The following FER1L6 variants were observed in gnomAD, a reference collection of about 807,000 sequenced individuals.
The protein encoded by FER1L6 is fer-1 like family member 6.
FER1L6 carries 177 observed loss-of-function variants against 219.2 expected under a neutral mutation model. That is an observed-to-expected ratio of 0.81 (90% CI 0.71 to 0.91). The LOEUF (loss-of-function observed/expected upper bound fraction) is 0.91. Among genes scored for constraint, FER1L6 ranks in the 40% least tolerant of loss-of-function variants. FER1L6 has a pLI of 0.00. For synonymous variants in FER1L6, 768 were observed against 824.3 expected (o/e 0.93, Z 1.17); for missense variants, 2,153 against 2,259.9 (o/e 0.95, Z 0.96).
At chr8:123,968,291 G>A (rs779799021) in intron 5 of FER1L6, among the ~76,000 whole-genome samples, 8 of 152,116 alleles carry the variant, frequency 5.3e-5, no homozygotes, top group Non-Finnish European at 8.8e-5. Context: ...GTTAAACTGG[G>A]CCCAAGTGTA....
At chr8:123,973,201 A>G (rs1429508862) in intron 6 of FER1L6, among the ~76,000 whole-genome samples, 2 of 152,176 alleles carry the variant, frequency 1.3e-5, no homozygotes, top group Non-Finnish European at 2.9e-5. Flanking sequence ...TATTTTGGTT[A>G]AAGGAAGCTT....
In FER1L6 at chr8:123,892,852, T is replaced by C. The variant is rs545962346; in HGVS notation, c.-8+40667T>C. On this transcript the variant is annotated intron_variant, in intron 1 of 40. Transcript: ENST00000522917. ...ACTTTTGTTTGGATATTAGTTTTTC[T>C]GAAGTACAAGAGAGACATATTAAGC... Among the ~76,000 whole-genome samples, 20 of 152,334 alleles carry C rather than the reference T, an allele frequency of 1.3e-4. No individual in the cohort carries two copies. The South Asian group carries it at 4.1e-3, about 32-fold the overall frequency.
chr8:124,076,754 G>T (rs1821312761), intron 32 of FER1L6, among the ~76,000 whole-genome samples: 1 of 152,136 alleles, frequency 6.6e-6, no homozygotes, highest in South Asian at 2.1e-4. Context: ...GGTCTAGGGA[G>T]GTTAAGAAAC....
At chr8:123,917,421 C>T (rs1813222454) in intron 1 of FER1L6, among the ~76,000 whole-genome samples, 1 of 152,222 alleles carries the variant, frequency 6.6e-6, no homozygotes, top group Non-Finnish European at 1.5e-5. Flanking sequence ...GCTGTGCACT[C>T]TAACATTCAG....
chr8:124,060,669 A>G lies in FER1L6; in HGVS notation c.3107A>G (p.Asn1036Ser). 6.2e-7 allele frequency: 1 copy of G among 1,614,052 alleles called. No homozygotes were observed. Among genetic ancestry groups the G allele is most frequent in the Non-Finnish European group, 8.5e-7 (1 of 1,179,954 alleles). The change falls in exon 24 of 41, where the codon AAC (asparagine) becomes AGC (serine). Residue 1036 changes from asparagine (N) to serine (S), a missense_variant. Coordinates refer to ENST00000522917, the MANE Select transcript of FER1L6 (RefSeq NM_001039112.2). ...TCCTGCGTGATCCAGAGCTACAAGA[A>G]CAACCCGAACTTCAGCATCCAGGCA... ...VKSCVIQSYK[N>S]NPNFSIQADA...
intron 1 of FER1L6, among the ~76,000 whole-genome samples, chr8:123,856,308 ATG>A (rs200449762): frequency 1.6e-5 from 1 of 64,222 alleles, no homozygotes; most frequent in Non-Finnish European, 3.2e-5. Flanking sequence ...ATATATATAT[ATG>A]TATGTGTATA....
In FER1L6 at chr8:124,021,595, A is replaced by G. The variant is rs369973685; in HGVS notation, c.2059A>G (p.Lys687Glu). ...CAAGGGGATCATTCAGCAGCAGAAG[A>G]AAAAGTTATCTGTTGATGAAATGAT... ...EAKGIIQQQK[K>E]KLSVDEMIHE... The change falls in exon 17 of 41, where the codon AAA (lysine) becomes GAA (glutamate). Residue 687 changes from lysine to glutamate, a missense_variant. Coordinates refer to ENST00000522917, the MANE Select transcript of FER1L6 (RefSeq NM_001039112.2). 5.0e-6 allele frequency: 8 copies of G among 1,614,054 alleles called. No individual in the cohort carries two copies. The highest frequency in any genetic ancestry group is 2.2e-5 in the East Asian group (1 of 44,896).
intron 22 of FER1L6, among the ~76,000 whole-genome samples, chr8:124,059,482 G>C (rs1374745327): frequency 2.6e-5 from 4 of 152,054 alleles, no homozygotes; most frequent in Non-Finnish European, 5.9e-5. Flanking sequence ...TGTATGTGTC[G>C]AACCAGGTTT....
chr8:123,911,155 G>T (rs988826438), intron 1 of FER1L6, among the ~76,000 whole-genome samples: 8 of 152,068 alleles, frequency 5.3e-5, no homozygotes, highest in Non-Finnish European at 7.4e-5. Flanking sequence ...AAGTTCTAGA[G>T]TTGGAAATGA....
rs1157790828 is a variant in FER1L6 at position 123,862,958 on chromosome 8, G to GT, written c.-8+10779dup. Among the ~76,000 whole-genome samples the GT allele has an allele frequency of 1.4e-3, 198 of 145,890 alleles. 1 individual carries two copies. The Middle Eastern group carries it at 0.02, about 15-fold the overall frequency. ...CCTGGATTCATTGATTTTTTGAAGG[G>GT]TTTTTTGTGCCTCTATTTCCTTCAG... On this transcript the variant is annotated intron_variant, in intron 1 of 40. Coordinates refer to ENST00000522917, the MANE Select transcript of FER1L6 (RefSeq NM_001039112.2).
At chr8:123,971,990 C>A (rs1361821500) in intron 6 of FER1L6, among the ~76,000 whole-genome samples, 2 of 152,232 alleles carry the variant, frequency 1.3e-5, no homozygotes, top group Admixed American at 6.5e-5. Context: ...GGGGCTCTTG[C>A]ATTTCATCTT....
intron 20 of FER1L6, among the ~76,000 whole-genome samples, chr8:124,043,372 C>T (rs898222426): frequency 1.3e-5 from 2 of 152,180 alleles, no homozygotes; most frequent in Non-Finnish European, 2.9e-5. Flanking sequence ...TTATTTGATT[C>T]TAAAGCTATA....
chr8:123,913,823 T>A (rs980545320), intron 1 of FER1L6, among the ~76,000 whole-genome samples: 1 of 151,982 alleles, frequency 6.6e-6, no homozygotes, highest in Non-Finnish European at 1.5e-5. Flanking sequence ...CTAACTGTAA[T>A]CTTCGTAATT....
At chr8:124,055,404 C>CAATGAACA (rs1234363647) in intron 22 of FER1L6, among the ~76,000 whole-genome samples, 47 of 152,154 alleles carry the variant, frequency 3.1e-4, no homozygotes, top group African/African-American at 1.1e-3. Context: ...TTTACTCATT[C>CAATGAACA]AATGAACAAA....
chr8:123,983,210 A>G (rs377490902), intron 11 of FER1L6, among the ~76,000 whole-genome samples: 42 of 151,786 alleles, frequency 2.8e-4, no homozygotes, highest in African/African-American at 1.0e-3. Context: ...TCAAGCTCCA[A>G]TCTCCCCTCT....
At chr8:124,109,308 T>G (rs140620205) in intron 39 of FER1L6, among the ~76,000 whole-genome samples, 1 of 152,272 alleles carries the variant, frequency 6.6e-6, no homozygotes, top group East Asian at 1.9e-4. Context: ...CACCCTAATC[T>G]TATTATTCAA....
intron 10 of FER1L6, among the ~76,000 whole-genome samples, chr8:123,978,897 G>A (rs543882625): frequency 3.7e-4 from 57 of 152,108 alleles, no homozygotes; most frequent in African/African-American, 1.3e-3. Flanking sequence ...AAGCACCCTC[G>A]GCCCATCTAT....
chr8:123,908,607 T>G (rs1424050654), intron 1 of FER1L6, among the ~76,000 whole-genome samples: 6 of 152,194 alleles, frequency 3.9e-5, no homozygotes. Flanking sequence ...TTCAACAGGT[T>G]TTTTTTGGTG....
chr8:123,993,150 A>G (rs1196082102), intron 12 of FER1L6, among the ~76,000 whole-genome samples: 1 of 152,212 alleles, frequency 6.6e-6, no homozygotes, highest in African/African-American at 2.4e-5. Flanking sequence ...TGATAAGAAG[A>G]ATGTATATCC....
Sources: gnomAD v4.1 joint callset for allele counts (sites outside exome capture counted in the v4.1 genomes callset) on GRCh38, gnomAD v4.1.1 for gene constraint, MANE v1.5 for transcripts, NCBI Gene and HGNC (gene_info 2026-07-23, HGNC 2026-07-21) for gene names.